The following PTPRT variants were observed in gnomAD, a reference collection of about 807,000 sequenced individuals.
The protein encoded by PTPRT is protein tyrosine phosphatase receptor type T, also known as receptor-type tyrosine-protein phosphatase T.
Under a neutral mutation model 176.8 loss-of-function variants are expected in PTPRT, and 56 were observed. The ratio of observed to expected loss-of-function variants is 0.32; its 90% CI spans 0.26 to 0.40. The LOEUF is 0.40. PTPRT is among the 10% of genes least tolerant of loss of function. The pLI, the probability that PTPRT is intolerant of heterozygous loss-of-function variation, is 1.00. For synonymous variants in PTPRT, 783 were observed against 739.0 expected (o/e 1.06, Z -0.96); for missense variants, 1,540 against 1,908.2 (o/e 0.81, Z 3.60).
intron 1 of PTPRT, among the ~76,000 whole-genome samples, chr20:43,040,883 T>A (rs560829805): frequency 6.6e-6 from 1 of 152,326 alleles, no homozygotes; most frequent in African/African-American, 2.4e-5. Flanking sequence ...CCATTCCTCA[T>A]TCAAAGACTG....
At position 42,619,710 on chromosome 20, in the gene PTPRT, C is replaced by A. The variant is rs1435471882; in HGVS notation, c.1153+58156G>T. On this transcript the variant is annotated intron_variant, in intron 7 of 30. Transcript: ENST00000373187. ...TTCATTTCATCTTTCATTGCTGATG[C>A]CCTTTCTTCCAGTTGATCACATCGG... 2.2e-5 allele frequency among the ~76,000 whole-genome samples: 3 copies of A among 136,296 alleles called. 1 individual carries two copies. The highest frequency in any genetic ancestry group is 4.6e-5 in the Non-Finnish European group (3 of 65,880). The allele number at this position is 136,296 out of a possible 152,430, so 89.4% of individuals were successfully genotyped here. A position where few individuals can be genotyped will look rare whatever the true frequency, so the allele number is the denominator to read the frequency against.
chr20:42,771,591 C>A, intron 4 of PTPRT, 41 bp from the exon 5 acceptor site: 1 of 1,513,544 alleles, frequency 6.6e-7, no homozygotes, highest in Non-Finnish European at 9.2e-7. Flanking sequence ...TGAGATTCGA[C>A]AGCCTGCACC....
At chr20:42,987,107 C>T (rs1007179288) in intron 1 of PTPRT, among the ~76,000 whole-genome samples, 9 of 152,152 alleles carry the variant, frequency 5.9e-5, no homozygotes, top group Non-Finnish European at 1.2e-4. Flanking sequence ...TAGACCCCCA[C>T]ATCCACCCCT....
At chr20:43,008,397 T>C (rs891426055) in intron 1 of PTPRT, among the ~76,000 whole-genome samples, 1 of 152,082 alleles carries the variant, frequency 6.6e-6, no homozygotes, top group African/African-American at 2.4e-5. Flanking sequence ...TCCAGAACTA[T>C]GAGAAACAGA....
At chr20:42,352,784 A>G (rs2213631) in intron 9 of PTPRT, among the ~76,000 whole-genome samples, 108,477 of 151,938 alleles carry the variant, frequency 0.71, 38,831 homozygotes, top group East Asian at 0.9. Context: ...CTATCGAGAT[A>G]TGATTATTAC....
intron 1 of PTPRT, among the ~76,000 whole-genome samples, chr20:43,047,934 A>G (rs1986899762): frequency 6.6e-6 from 1 of 152,204 alleles, no homozygotes. Context: ...CATCACCACC[A>G]TGACACACTG....
intron 17 of PTPRT, among the ~76,000 whole-genome samples, chr20:42,155,424 G>A (rs574069322): frequency 3.7e-4 from 57 of 152,290 alleles, no homozygotes; most frequent in African/African-American, 1.3e-3. Flanking sequence ...ATCAGTGGGA[G>A]GGAGGCCCAG....
chr20:42,383,310 G>A (rs574652823), intron 9 of PTPRT, among the ~76,000 whole-genome samples: 2 of 152,096 alleles, frequency 1.3e-5, no homozygotes, highest in African/African-American at 2.4e-5. Flanking sequence ...CTTCCCTGGT[G>A]CCTGGACTGG....
At chr20:42,975,357 C>T (rs1242189878) in intron 1 of PTPRT, among the ~76,000 whole-genome samples, 2 of 152,068 alleles carry the variant, frequency 1.3e-5, no homozygotes, top group Non-Finnish European at 2.9e-5. Context: ...AATGCACCAA[C>T]AACCCTAAAA....
In PTPRT at chr20:42,838,308, G is replaced by A. The variant is rs143723657; in HGVS notation, c.215-46842C>T. Among the ~76,000 whole-genome samples, 219 of 152,286 alleles carry A rather than the reference G, an allele frequency of 1.4e-3. 1 individual carries two copies. Among genetic ancestry groups the A allele is most frequent in the African/African-American group, 5.0e-3 (208 of 41,560 alleles). On this transcript the variant is annotated intron_variant, in intron 2 of 30. Transcript: ENST00000373187. ...GTTGGGATTACAGATGTGAGTCACT[G>A]CGCTCAGCCCAAAAACTGTTGATAA... is the stretch of plus-strand genomic sequence containing the variant.
At chr20:42,682,423 A>G (rs1346434237) in intron 6 of PTPRT, among the ~76,000 whole-genome samples, 1 of 152,192 alleles carries the variant, frequency 6.6e-6, no homozygotes, top group Non-Finnish European at 1.5e-5. Flanking sequence ...CAGATGCTTG[A>G]ATTCCTAACA....
chr20:42,285,541 A>C (rs2057215119), intron 12 of PTPRT, among the ~76,000 whole-genome samples: 1 of 151,990 alleles, frequency 6.6e-6, no homozygotes, highest in Non-Finnish European at 1.5e-5. Context: ...CTTTAAATAT[A>C]AATGAAGCTT....
At chr20:42,345,620 A>G (rs6072692) in intron 11 of PTPRT, among the ~76,000 whole-genome samples, 8,035 of 68,950 alleles carry the variant, frequency 0.12, 400 homozygotes, top group African/African-American at 0.15. Context: ...GTGTGTGTGT[A>G]TATATATGTA....
chr20:42,782,641 A>G (rs1179340938), intron 3 of PTPRT, among the ~76,000 whole-genome samples: 2 of 152,182 alleles, frequency 1.3e-5, no homozygotes, highest in African/African-American at 4.8e-5. Context: ...AAATCTTCCC[A>G]TGTCATACAT....
At chr20:42,261,302 T>G (rs1319483333) in intron 13 of PTPRT, among the ~76,000 whole-genome samples, 1 of 152,172 alleles carries the variant, frequency 6.6e-6, no homozygotes, top group Non-Finnish European at 1.5e-5. Context: ...TGAGTCTGTC[T>G]TTACATGATG....
intron 1 of PTPRT, among the ~76,000 whole-genome samples, chr20:43,074,781 C>A (rs2011232207): frequency 1.3e-5 from 2 of 152,162 alleles, no homozygotes; most frequent in Admixed American, 6.5e-5. Context: ...AATCGAGTAG[C>A]TAGATGTTTA....
intron 1 of PTPRT, among the ~76,000 whole-genome samples, chr20:42,906,442 C>T (rs2079479450): frequency 6.6e-6 from 1 of 152,156 alleles, no homozygotes; most frequent in African/African-American, 2.4e-5. Context: ...ACTTTTTCTC[C>T]AAGCCCACAT....
intron 1 of PTPRT, among the ~76,000 whole-genome samples, chr20:42,922,907 G>A (rs1979246538): frequency 1.3e-5 from 2 of 152,090 alleles, no homozygotes; most frequent in South Asian, 4.1e-4. Context: ...CAAGTATCAA[G>A]CCTCCCTCAG....
chr20:42,139,242 T>C (rs1988514170), intron 18 of PTPRT, among the ~76,000 whole-genome samples: 1 of 152,222 alleles, frequency 6.6e-6, no homozygotes, highest in African/African-American at 2.4e-5. Flanking sequence ...CCTGATCTCT[T>C]GCAGAATGAT....
Sources: allele counts gnomAD v4.1 joint callset (sites outside exome capture counted in the v4.1 genomes callset), GRCh38; gene constraint gnomAD v4.1.1; transcripts MANE v1.5; gene names NCBI Gene and HGNC (gene_info 2026-07-23, HGNC 2026-07-21).